The following ADAMTS13 variants were observed in gnomAD, a reference collection of about 807,000 sequenced individuals.
ADAMTS13 encodes the protein ADAM metallopeptidase with thrombospondin type 1 motif 13.
ADAMTS13 carries 110 observed loss-of-function variants against 155.1 expected under a neutral mutation model. The observed-to-expected ratio is 0.71, with a 90% CI of 0.61 to 0.83. The LOEUF (loss-of-function observed/expected upper bound fraction) is 0.83. ADAMTS13 is among the 40% of genes least tolerant of loss of function. The probability of loss-of-function intolerance (pLI) is 0.00; values close to 1 mark genes in which losing one functional copy is unlikely to be tolerated. For synonymous variants in ADAMTS13, 758 were observed against 756.4 expected, an observed-to-expected ratio of 1.00 and a Z score of -0.03; for missense variants, 1,707 against 1,891.7, an observed-to-expected ratio of 0.90 and a Z score of 1.81.
upstream of ADAMTS13, among the ~76,000 whole-genome samples, chr9:133,420,007 T>C (rs1839889353): frequency 6.6e-6 from 1 of 151,682 alleles, no homozygotes; most frequent in Non-Finnish European, 1.5e-5. Context: ...CGGGTTCAAG[T>C]GATTCTTCTG....
chr9:133,416,651 T>C (rs919034747), intron 1 of ADAMTS13, among the ~76,000 whole-genome samples: 5 of 152,126 alleles, frequency 3.3e-5, no homozygotes, highest in African/African-American at 1.2e-4. Flanking sequence ...GCAGGCAACC[T>C]CTACAGAAGT....
Position 133,436,922 on chromosome 9 carries a change from T to C in ADAMTS13, c.1402T>C (p.Tyr468His). ...CTCCTCCCCTGGCGGCGCCTCCTTC[T>C]ACCACTGGGGTGCTGCTGTACCACA... ...LRSSPGGASFYHWGAAVPHSQ... is the reference protein window; with the variant it reads ...LRSSPGGASFHHWGAAVPHSQ... Residue 468 changes from tyrosine (Y) to histidine (H), a missense_variant, in exon 12 of 29, where the codon TAC (tyrosine) becomes CAC (histidine). By Grantham distance (83) the Tyr-to-His change is moderately conservative (BLOSUM62 2). Coordinates refer to ENST00000355699, the MANE Select transcript of ADAMTS13 (RefSeq NM_139027.6). 1.3e-6 allele frequency: 2 copies of C among 1,591,416 alleles called. No homozygotes were observed. Among genetic ancestry groups the C allele is most frequent in the African/African-American group, 1.3e-5 (1 of 74,836 alleles).
At position 133,436,968 on chromosome 9, in the gene ADAMTS13, G is replaced by T; in HGVS notation, c.1435+13G>T. On this transcript the variant is annotated intron_variant, in intron 12 of 28. Transcript: ENST00000355699. Reference sequence around the variant, plus strand: ...CCACACAGCCAAGGTGGGGCCTGCGGAGTGTGGGGTTGGGGGAGGAGCCAG... The same window carrying T: ...CCACACAGCCAAGGTGGGGCCTGCGTAGTGTGGGGTTGGGGGAGGAGCCAG... 6.3e-7 allele frequency: 1 copy of T among 1,594,898 alleles called. No homozygotes were observed.
At position 133,428,727 on chromosome 9, in the gene ADAMTS13, CG is replaced by C. The variant is rs903245146; in HGVS notation, c.781del (p.Ala261ProfsTer11). ...ACGGCGCCGCGCCCCGCGCCGGCCTCGCCTGGTCCCCCTGCAGCCGCCGGCA... is the reference window on the plus strand; with the variant it reads ...ACGGCGCCGCGCCCCGCGCCGGCCTCCCTGGTCCCCCTGCAGCCGCCGGCA... The part of the protein sequence containing the change: ...SDGAAPRAGL[A>X]WSPCSRRQLL... On this transcript the variant is annotated frameshift_variant, in exon 7 of 29. Coordinates refer to ENST00000355699, the MANE Select transcript of ADAMTS13 (RefSeq NM_139027.6). LOFTEE classifies it high-confidence loss of function. The C allele has an allele frequency of 1.9e-5, 26 of 1,360,072 alleles. No individual in the cohort carries two copies. Among genetic ancestry groups the C allele is most frequent in the African/African-American group, 7.6e-5 (5 of 65,946 alleles). 84.3% of individuals were successfully genotyped at this position (1,360,072 alleles called of 1,614,324 possible). A position where few individuals can be genotyped will look rare whatever the true frequency, so the allele number is the denominator to read the frequency against.
chr9:133,418,111 C>A (rs1423727133), upstream of ADAMTS13: 1 of 504,082 alleles, frequency 2.0e-6, no homozygotes, highest in Non-Finnish European at 3.5e-6. Context: ...GGGCGGTTCA[C>A]CCGCACGGGA....
chr9:133,427,736 T>C (rs919069052), intron 6 of ADAMTS13, among the ~76,000 whole-genome samples: 1 of 152,310 alleles, frequency 6.6e-6, no homozygotes, highest in African/African-American at 2.4e-5. Context: ...GCATAGCCCC[T>C]TTTGAAGCCA....
chr9:133,440,451 C>T lies in ADAMTS13; in HGVS notation c.1894C>T (p.Leu632Phe). 2 of 1,613,794 alleles carry T rather than the reference C, an allele frequency of 1.2e-6. No individual in the cohort carries two copies. The highest frequency in any genetic ancestry group is 1.7e-6 in the Non-Finnish European group (2 of 1,179,996). ...EDGRVEYRVA[L>F]TEDRLPRLEE... ...TGGTCGTGTCGAGTACAGAGTGGCC[C>T]TCACCGAGGACCGGCTGCCCCGCCT... The change falls in exon 16 of 29, where the codon CTC becomes TTC. Residue 632 changes from leucine to phenylalanine, a missense_variant. This residue lies in a region of ADAMTS13 where 961 missense variants were observed against 1,107.9 expected (regional missense o/e 0.87). Transcript: ENST00000355699. This position sits in a 1 kb window ranked among gnomAD's most constrained non-coding sequence, Gnocchi z 4.3.
upstream of ADAMTS13, chr9:133,422,289 C>T (rs587712950): frequency 3.4e-5 from 25 of 727,960 alleles, no homozygotes; most frequent in Non-Finnish European, 5.2e-5. Flanking sequence ...ACCCTAGCCA[C>T]GGCCCCTGCC....
intron 8 of ADAMTS13, among the ~76,000 whole-genome samples, chr9:133,432,170 TAGG>T (rs1288507694): frequency 6.6e-6 from 1 of 151,326 alleles, no homozygotes; most frequent in African/African-American, 2.4e-5. Context: ...AAGGCTGAGG[TAGG>T]AGAATTGCTT....
At position 133,429,027 on chromosome 9, in the gene ADAMTS13, C is replaced by A. The variant is rs1409702783; in HGVS notation, c.824+256C>A. ...CGTCCGTCCCCACCTCTCCCTACGT[C>A]CGTCCCCACTCCGCATTCAGCCCTC... On this transcript the variant is annotated intron_variant, in intron 7 of 28. Coordinates refer to ENST00000355699, the MANE Select transcript of ADAMTS13 (RefSeq NM_139027.6). Among the ~76,000 whole-genome samples, 13 of 151,014 alleles carry A rather than the reference C, an allele frequency of 8.6e-5. No homozygotes were observed. In the East Asian group the frequency reaches 2.2e-3, roughly 26 times the overall value.
rs587633318 is a variant in ADAMTS13 at position 133,415,414 on chromosome 9, T to C, written n.287+770T>C. On this transcript the variant is annotated intron_variant and non_coding_transcript_variant, in intron 1 of 17. Transcript: ENST00000485925. ...ACATCCTGCTACACAGAAATCGCTT[T>C]TTTTTTTTTTACAAGATTCCCTGGT... is the stretch of plus-strand genomic sequence containing the variant. Among the ~76,000 whole-genome samples the C allele has an allele frequency of 2.0e-5, 3 of 151,896 alleles. No individual in the cohort carries two copies. The South Asian group carries it at 6.3e-4, about 32-fold the overall frequency.
Position 133,424,315 on chromosome 9 carries a change from C to T in ADAMTS13, c.173-6C>T, listed in dbSNP as rs781795441. ...ATCGCCCTCTGCTCTCCCTCTCCCC[C>T]TCCAGGCCGCCCTCCTTCCCCTGGC... On this transcript the variant is annotated splice_region_variant and splice_polypyrimidine_tract_variant and intron_variant, in intron 2 of 28. Coordinates refer to ENST00000355699, the MANE Select transcript of ADAMTS13 (RefSeq NM_139027.6). This position sits in a 1 kb window ranked among gnomAD's most constrained non-coding sequence, Gnocchi z 4.3. 3 of 1,612,020 alleles carry T rather than the reference C, an allele frequency of 1.9e-6. No homozygotes were observed. The highest frequency in any genetic ancestry group is 1.1e-5 in the South Asian group (1 of 91,018).
At chr9:133,451,276 T>C (rs1024994031) in intron 23 of ADAMTS13, among the ~76,000 whole-genome samples, 10 of 152,234 alleles carry the variant, frequency 6.6e-5, no homozygotes. Context: ...ATTTAATTTA[T>C]TTATTTTGAG....
rs1840238575 is a variant in ADAMTS13 at position 133,425,748 on chromosome 9, G to A, written c.414+136G>A. The A allele has an allele frequency of 2.9e-6, 4 of 1,388,598 alleles. No individual in the cohort carries two copies. In the Admixed American group the frequency reaches 7.9e-5, roughly 27 times the overall value. The allele number at this position is 1,388,598 out of a possible 1,614,324, so 86.0% of individuals were successfully genotyped here. A position where few individuals can be genotyped will look rare whatever the true frequency, so the allele number is the denominator to read the frequency against. ...AGAATGCATTCAGCCAGACAGACCA[G>A]CTGCCCTCCCAGCTCTACCCAGCAC... On this transcript the variant is annotated intron_variant, in intron 4 of 28. Coordinates refer to ENST00000355699, the MANE Select transcript of ADAMTS13 (RefSeq NM_139027.6). This position sits in a 1 kb window ranked among gnomAD's most constrained non-coding sequence, Gnocchi z 4.6.
Position 133,442,554 on chromosome 9 carries a change from C to T in ADAMTS13, c.2104+20C>T. 6.2e-7 allele frequency: 1 copy of T among 1,613,498 alleles called. No individual in the cohort carries two copies. Among genetic ancestry groups the T allele is most frequent in the Non-Finnish European group, 8.5e-7 (1 of 1,180,024 alleles). ...GGGCAGGTGAGACCTGGGGAAGGCTCATCCACAGCACGGCTTGCCCCTGCA... is the reference window on the plus strand; with the variant it reads ...GGGCAGGTGAGACCTGGGGAAGGCTTATCCACAGCACGGCTTGCCCCTGCA... On this transcript the variant is annotated intron_variant, in intron 17 of 28. Transcript: ENST00000355699.
rs982011248 is a variant in ADAMTS13, at chr9:133,443,549, C to T, written c.2408C>T (p.Pro803Leu). Residue 803 changes from proline to leucine, a missense_variant, in exon 19 of 29, where the codon CCC (proline) becomes CTC (leucine). Around this residue, in one of 3 missense-constraint regions of ADAMTS13, gnomAD observed 961 missense variants for 1,107.9 expected, o/e 0.87. Coordinates refer to ENST00000355699, the MANE Select transcript of ADAMTS13 (RefSeq NM_139027.6). ...AVALETCNPQPCPARWEVSEP... is the reference protein window; with the variant it reads ...AVALETCNPQLCPARWEVSEP... ...GCGCTGGAAACCTGCAACCCCCAGC[C>T]CTGCCCTGCCAGGTGAGCCCAGGGC... 2 of 1,555,034 alleles carry T rather than the reference C, an allele frequency of 1.3e-6. No homozygotes were observed. Among genetic ancestry groups the T allele is most frequent in the Non-Finnish European group, 1.7e-6 (2 of 1,156,464 alleles).
At chr9:133,443,660 C>A in intron 19 of ADAMTS13, 99 bp downstream of exon 19, 1 of 1,358,768 alleles carries the variant, frequency 7.4e-7, no homozygotes, top group Non-Finnish European at 9.7e-7. Flanking sequence ...CCTCCTGAGG[C>A]CTCCGGCGGG....
At position 133,455,721 on chromosome 9, in the gene ADAMTS13, C is replaced by T. The variant is rs925555246; in HGVS notation, c.3400+286C>T. ...TCCCTGGGTTGTGTGCCTGGGAGGCCGGGATCAGGGCTGGCCCTCTTTCTC... is the reference window on the plus strand; with the variant it reads ...TCCCTGGGTTGTGTGCCTGGGAGGCTGGGATCAGGGCTGGCCCTCTTTCTC... On this transcript the variant is annotated intron_variant, in intron 25 of 28. Coordinates refer to ENST00000355699, the MANE Select transcript of ADAMTS13 (RefSeq NM_139027.6). 1.3e-4 allele frequency: 170 copies of T among 1,358,928 alleles called. No individual in the cohort carries two copies. In the East Asian group the frequency reaches 3.5e-3, roughly 28 times the overall value. 84.2% of individuals were successfully genotyped at this position (1,358,928 alleles called of 1,614,324 possible). A position where few individuals can be genotyped will look rare whatever the true frequency, so the allele number is the denominator to read the frequency against.
rs781920906 is a variant in ADAMTS13, at chr9:133,445,393, C to T, written c.2611-306C>T. 3.9e-5 allele frequency among the ~76,000 whole-genome samples: 6 copies of T among 152,192 alleles called. No homozygotes were observed. The highest frequency in any genetic ancestry group is 1.2e-4 in the African/African-American group (5 of 41,456). On this transcript the variant is annotated intron_variant, in intron 20 of 28. Coordinates refer to ENST00000355699, the MANE Select transcript of ADAMTS13 (RefSeq NM_139027.6). This position sits in a 1 kb window ranked among gnomAD's most constrained non-coding sequence, Gnocchi z 5.0. The stretch of plus-strand genomic sequence containing the variant: ...CTCTGGCCTGGGTGCTGGCAACCCT[C>T]GCCCCTCATGGCTGGGGGGATTGCA...
Sources: allele counts gnomAD v4.1 joint callset (sites outside exome capture counted in the v4.1 genomes callset), GRCh38; gene constraint gnomAD v4.1.1; regional missense constraint gnomAD v4.1.1; non-coding constraint Gnocchi (gnomAD v3.1); transcripts MANE v1.5; gene names NCBI Gene and HGNC (gene_info 2026-07-23, HGNC 2026-07-21).